PPP1R1C: variants seen among roughly 807,000 people sequenced by gnomAD.
PPP1R1C encodes protein phosphatase 1 regulatory subunit 1C.
A neutral mutation model predicts 17.4 loss-of-function variants in PPP1R1C; 15 were observed. That is an observed-to-expected ratio of 0.86 (90% CI 0.58 to 1.33). The LOEUF is 1.33. Ranked by LOEUF, PPP1R1C falls within the 40% of genes most tolerant of loss-of-function variation. The pLI is 0.00. For synonymous variants in PPP1R1C, 35 were observed against 43.1 expected (o/e 0.81, Z 0.73); for missense variants, 143 against 130.0 (o/e 1.10, Z -0.48).
rs150956739 is a variant in PPP1R1C at position 182,067,654 on chromosome 2, A to G, written c.241+3863A>G. Among the ~76,000 whole-genome samples, 596 of 152,290 alleles carry G rather than the reference A, an allele frequency of 3.9e-3. 6 individuals carry two copies. The highest frequency in any genetic ancestry group is 0.014 in the African/African-American group (571 of 41,560). ...TAGCTGTGCAACCTTCAGAAAATCAATGGGTTGTTCACCCCACAAAACAAC... is the reference window on the plus strand; with the variant it reads ...TAGCTGTGCAACCTTCAGAAAATCAGTGGGTTGTTCACCCCACAAAACAAC... On this transcript the variant is annotated intron_variant, in intron 4 of 4. Coordinates refer to ENST00000682840, the MANE Select transcript of PPP1R1C (RefSeq NM_001080545.3).
intron 2 of PPP1R1C, among the ~76,000 whole-genome samples, chr2:182,022,867 A>G (rs1010617791): frequency 2.6e-5 from 4 of 152,216 alleles, no homozygotes; most frequent in Non-Finnish European, 5.9e-5. Context: ...GAAATATCAG[A>G]GCCAAGACCA....
chr2:181,957,305 C>T lies in PPP1R1C; in HGVS notation n.111+2671C>T, dbSNP rs1034945838. 6.6e-6 allele frequency among the ~76,000 whole-genome samples: 1 copy of T among 151,980 alleles called. No individual in the cohort carries two copies. Among genetic ancestry groups the T allele is most frequent in the Non-Finnish European group, 1.5e-5 (1 of 67,996 alleles). On this transcript the variant is annotated intron_variant and non_coding_transcript_variant, in intron 1 of 5. Transcript: ENST00000464264. The surrounding 1 kb of genome is among the most constrained non-coding windows in gnomAD (Gnocchi z 4.2). ...CCGGGAGGTGGAGGTTGTGGTAAGC[C>T]GAGGTAGCGCCACTGCACTTCAACC... is the stretch of plus-strand genomic sequence containing the variant.
chr2:182,124,788 T>G (rs552092897), intron 5 of PPP1R1C, among the ~76,000 whole-genome samples: 133 of 151,994 alleles, frequency 8.8e-4, no homozygotes, highest in Admixed American at 1.5e-3. Flanking sequence ...GCTGAAAGAG[T>G]TTTTGGACTG....
downstream of PPP1R1C, among the ~76,000 whole-genome samples, chr2:182,120,980 T>C (rs147173523): frequency 6.6e-6 from 1 of 152,330 alleles, no homozygotes; most frequent in East Asian, 1.9e-4. Context: ...TTGAGAAATA[T>C]GTTGACTTTC....
chr2:181,963,596 G>A (rs1047044650), intron 1 of PPP1R1C, among the ~76,000 whole-genome samples: 2 of 152,182 alleles, frequency 1.3e-5, no homozygotes, highest in Non-Finnish European at 2.9e-5. Context: ...AGTGAGCCAA[G>A]ATTGGGCCAC....
downstream of PPP1R1C, among the ~76,000 whole-genome samples, chr2:182,119,473 A>AT (rs1689676536): frequency 1.3e-5 from 2 of 152,344 alleles, no homozygotes; most frequent in South Asian, 4.1e-4. Flanking sequence ...TCCCTGAGGA[A>AT]TCACCACACT....
chr2:181,984,967 C>T (rs980728105), upstream of PPP1R1C, among the ~76,000 whole-genome samples: 1 of 152,142 alleles, frequency 6.6e-6, no homozygotes, highest in Non-Finnish European at 1.5e-5. Flanking sequence ...CCCACTGTTC[C>T]CTGACCACTA....
intron 2 of PPP1R1C, among the ~76,000 whole-genome samples, chr2:182,045,705 A>T (rs1414291965): frequency 6.6e-6 from 1 of 152,124 alleles, no homozygotes; most frequent in African/African-American, 2.4e-5. Flanking sequence ...AGATACAATT[A>T]TTTTGAAATT....
chr2:182,090,619 T>A (rs1023610800), intron 4 of PPP1R1C, among the ~76,000 whole-genome samples: 1 of 152,196 alleles, frequency 6.6e-6, no homozygotes, highest in African/African-American at 2.4e-5. Flanking sequence ...TTTGAAATGT[T>A]AGTTTAGGAT....
chr2:182,082,261 A>T lies in PPP1R1C; in HGVS notation c.241+18470A>T, dbSNP rs137991783. Among the ~76,000 whole-genome samples the T allele has an allele frequency of 7.9e-3, 1,198 of 152,346 alleles. 21 individuals are homozygous for T. The highest frequency in any genetic ancestry group is 0.027 in the African/African-American group (1,124 of 41,582). Reference sequence around the variant, plus strand: ...GCATGTGAAATTGGAAGTCATTTGCATTTAAAGTGATAGAACTTAGGTAAA... The same window carrying T: ...GCATGTGAAATTGGAAGTCATTTGCTTTTAAAGTGATAGAACTTAGGTAAA... On this transcript the variant is annotated intron_variant, in intron 4 of 4. Coordinates refer to ENST00000682840, the MANE Select transcript of PPP1R1C (RefSeq NM_001080545.3).
intron 4 of PPP1R1C, among the ~76,000 whole-genome samples, chr2:182,077,903 G>C (rs1055555495): frequency 6.6e-6 from 1 of 152,208 alleles, no homozygotes; most frequent in Admixed American, 6.5e-5. Flanking sequence ...AACCCTTGCC[G>C]GGCGTGGTGG....
At position 181,976,809 on chromosome 2, in the gene PPP1R1C, T is replaced by G. The variant is rs2125135497; in HGVS notation, n.157+1545T>G. The stretch of plus-strand genomic sequence containing the variant: ...TAAGGTCCCATGTTTGAAGGAGGCT[T>G]TCTTTTAACTGTCAAGGTGTTTTTT... On this transcript the variant is annotated intron_variant and non_coding_transcript_variant, in intron 2 of 5. Coordinates refer to the PPP1R1C transcript ENST00000464264. The surrounding 1 kb of genome is among the most constrained non-coding windows in gnomAD (Gnocchi z 4.8). Among the ~76,000 whole-genome samples the G allele has an allele frequency of 6.6e-6, 1 of 152,226 alleles. No individual in the cohort carries two copies. The highest frequency in any genetic ancestry group is 2.4e-5 in the African/African-American group (1 of 41,564).
chr2:182,121,058 T>C (rs1689721673), downstream of PPP1R1C, among the ~76,000 whole-genome samples: 2 of 152,208 alleles, frequency 1.3e-5, no homozygotes, highest in South Asian at 4.1e-4. Context: ...ATTATAGTTT[T>C]CAAAAAAATT....
In PPP1R1C at chr2:182,059,714, TCAACAA is replaced by T. The variant is rs777479217; in HGVS notation, c.143-1706_143-1701del. ...AAATAATTGATTTTATCAGCAGAAC[TCAACAA>T]CAACAACAACAACAACAACAAAACA... On this transcript the variant is annotated intron_variant, in intron 2 of 4. Coordinates refer to ENST00000682840, the MANE Select transcript of PPP1R1C (RefSeq NM_001080545.3). 1.5e-4 allele frequency among the ~76,000 whole-genome samples: 23 copies of T among 149,602 alleles called. No individual in the cohort carries two copies. In the South Asian group the frequency reaches 2.1e-3, roughly 14 times the overall value.
chr2:182,073,798 G>C (rs1688208787), intron 4 of PPP1R1C, among the ~76,000 whole-genome samples: 1 of 152,128 alleles, frequency 6.6e-6, no homozygotes, highest in Non-Finnish European at 1.5e-5. Flanking sequence ...ATGTGAATGG[G>C]CACGTGAACT....
Position 181,993,923 on chromosome 2 carries a change from C to A in PPP1R1C, c.142+6024C>A, listed in dbSNP as rs568152616. Among the ~76,000 whole-genome samples, 7 of 152,030 alleles carry A rather than the reference C, an allele frequency of 4.6e-5. No individual in the cohort carries two copies. The South Asian group carries it at 1.5e-3, about 32-fold the overall frequency. ...ATGAAAAAAAAATGAAAGGGACCTG[C>A]ATTTCTTATTCAAAGATGGCCCAGC... is the stretch of plus-strand genomic sequence containing the variant. On this transcript the variant is annotated intron_variant, in intron 2 of 4. Coordinates refer to ENST00000682840, the MANE Select transcript of PPP1R1C (RefSeq NM_001080545.3).
intron 2 of PPP1R1C, among the ~76,000 whole-genome samples, chr2:182,023,526 G>T (rs552732380): frequency 6.6e-6 from 1 of 152,126 alleles, no homozygotes; most frequent in Non-Finnish European, 1.5e-5. Flanking sequence ...AAATTATATA[G>T]TATCAAATTT....
chr2:182,022,191 T>C (rs766899383), intron 2 of PPP1R1C, among the ~76,000 whole-genome samples: 1 of 152,198 alleles, frequency 6.6e-6, no homozygotes, highest in Non-Finnish European at 1.5e-5. Context: ...AAGACATAAA[T>C]TGATGAAAAT....
At chr2:182,033,847 T>TA (rs974968990) in intron 2 of PPP1R1C, among the ~76,000 whole-genome samples, 32 of 152,208 alleles carry the variant, frequency 2.1e-4, no homozygotes, top group Admixed American at 2.1e-3. Flanking sequence ...ATCTCATCCT[T>TA]ACGCTAAATC....
Sources: allele counts gnomAD v4.1 joint callset (sites outside exome capture counted in the v4.1 genomes callset), GRCh38; gene constraint gnomAD v4.1.1; non-coding constraint Gnocchi (gnomAD v3.1); transcripts MANE v1.5; gene names NCBI Gene and HGNC (gene_info 2026-07-23, HGNC 2026-07-21).